HDGFL2: variants seen among roughly 807,000 people sequenced by gnomAD.
The protein encoded by HDGFL2 is hepatoma-derived growth factor-related protein 2.
In HDGFL2, 36 loss-of-function variants were observed where a neutral mutation model predicts 77.1. The observed-to-expected ratio is 0.47, with a 90% confidence interval of 0.36 to 0.62. The LOEUF (loss-of-function observed/expected upper bound fraction) is 0.62. Ranked by LOEUF, HDGFL2 falls within the 20% of genes least tolerant of loss-of-function variation. The pLI is 0.00. For synonymous variants in HDGFL2, 463 were observed against 413.1 expected, an observed-to-expected ratio of 1.12 and a Z score of -1.46; for missense variants, 976 against 973.4, an observed-to-expected ratio of 1.00 and a Z score of -0.04.
intron 3 of HDGFL2, among the ~76,000 whole-genome samples, chr19:4,486,754 C>T (rs1444802044): frequency 6.6e-6 from 1 of 152,074 alleles, no homozygotes; most frequent in Non-Finnish European, 1.5e-5. Flanking sequence ...ACTCTTCATC[C>T]TCCTCTTCAC....
At chr19:4,487,918 T>G (rs1452593965) in intron 3 of HDGFL2, among the ~76,000 whole-genome samples, 1 of 151,922 alleles carries the variant, frequency 6.6e-6, no homozygotes, top group Non-Finnish European at 1.5e-5. Flanking sequence ...TAGCTTGGCT[T>G]CTTCCTCCTG....
At chr19:4,484,666 A>ATTTTTTTTTTTTTTTTT (rs71168907) in intron 3 of HDGFL2, among the ~76,000 whole-genome samples, 4 of 74,110 alleles carry the variant, frequency 5.4e-5, no homozygotes, top group African/African-American at 2.3e-4. Context: ...CGCCTGGCTA[A>ATTTTTTTTTTTTTTTTT]TTTTTTTTTT....
intron 6 of HDGFL2, among the ~76,000 whole-genome samples, chr19:4,493,093 TG>T (rs1975581114): frequency 1.1e-5 from 1 of 94,950 alleles, no homozygotes; most frequent in African/African-American, 4.2e-5. Flanking sequence ...GTGTTATCTG[TG>T]TGGTGTGTGG....
intron 3 of HDGFL2, among the ~76,000 whole-genome samples, chr19:4,482,457 A>G (rs1466147756): frequency 1.3e-5 from 2 of 151,892 alleles, no homozygotes; most frequent in Admixed American, 6.6e-5. Flanking sequence ...ATCCACCCCT[A>G]TCGGCCTCCC....
rs149015632 is a variant in HDGFL2, at chr19:4,484,964, C to T, written c.289-3712C>T. On this transcript the variant is annotated intron_variant, in intron 3 of 15. Transcript: ENST00000616600. Reference sequence around the variant, plus strand: ...GGGATTACAGGCATGAGCCACCGTGCCCGGCCAATTTTTTGTATTTTTTAG... The same window carrying T: ...GGGATTACAGGCATGAGCCACCGTGTCCGGCCAATTTTTTGTATTTTTTAG... Among the ~76,000 whole-genome samples, 81 of 152,156 alleles carry T rather than the reference C, an allele frequency of 5.3e-4. 1 individual carries two copies. The highest frequency in any genetic ancestry group is 1.7e-3 in the African/African-American group (71 of 41,510).
chr19:4,473,870 T>C (rs756069388), intron 1 of HDGFL2, among the ~76,000 whole-genome samples: 1 of 151,562 alleles, frequency 6.6e-6, no homozygotes, highest in Non-Finnish European at 1.5e-5. Context: ...CCAACCCCAA[T>C]GCTTGAAATG....
In HDGFL2 at chr19:4,494,159, C is replaced by T. The variant is rs1293827614; in HGVS notation, c.915-7C>T. 1.5e-5 allele frequency: 23 copies of T among 1,491,018 alleles called. No homozygotes were observed. Among genetic ancestry groups the T allele is most frequent in the Non-Finnish European group, 2.0e-5 (22 of 1,122,900 alleles). 92.4% of individuals were successfully genotyped at this position (1,491,018 alleles called of 1,614,324 possible). On this transcript the variant is annotated splice_polypyrimidine_tract_variant and splice_region_variant and intron_variant, in intron 8 of 15. Transcript: ENST00000616600. ...CGGAGGTCCCCAACCGCCCCCTCCGCCTCCAGTGACAGCGACGAGGTGGAC... is the reference window on the plus strand; with the variant it reads ...CGGAGGTCCCCAACCGCCCCCTCCGTCTCCAGTGACAGCGACGAGGTGGAC...
chr19:4,482,026 C>CTTTTTTTTTTT (rs34398630), intron 3 of HDGFL2, among the ~76,000 whole-genome samples: 12 of 71,656 alleles, frequency 1.7e-4, no homozygotes, highest in South Asian at 6.2e-4. Context: ...TGGCTTTGGC[C>CTTTTTTTTTTT]TTTTTTTTTT....
At chr19:4,477,283 G>A (rs1975096761) in intron 3 of HDGFL2, among the ~76,000 whole-genome samples, 1 of 152,110 alleles carries the variant, frequency 6.6e-6, no homozygotes, top group African/African-American at 2.4e-5. Flanking sequence ...TTGCCTTCTG[G>A]GAGCTCATGG....
rs1974986015 is a variant in HDGFL2, at chr19:4,473,050, C to T, written c.72+628C>T. On this transcript the variant is annotated intron_variant, in intron 1 of 15. Transcript: ENST00000616600. ...GTATCCTGGGCCCGAGGGAGTCGCA[C>T]CTTGGGGGTTTGGGGGTGTTTGGGG... Among the ~76,000 whole-genome samples the T allele has an allele frequency of 2.0e-5, 3 of 147,656 alleles. 1 individual carries two copies. The South Asian group carries it at 6.5e-4, about 32-fold the overall frequency.
At chr19:4,474,554 T>C (rs1210215573) in intron 1 of HDGFL2, among the ~76,000 whole-genome samples, 2 of 151,836 alleles carry the variant, frequency 1.3e-5, no homozygotes, top group Admixed American at 6.6e-5. Flanking sequence ...AAGGAATGCA[T>C]TGGGAGGGGA....
intron 3 of HDGFL2, among the ~76,000 whole-genome samples, chr19:4,477,007 T>A (rs1975090151): frequency 6.6e-6 from 1 of 152,018 alleles, no homozygotes; most frequent in African/African-American, 2.4e-5. Context: ...GAAAAGCACA[T>A]CCGAGGTGGT....
intron 3 of HDGFL2, among the ~76,000 whole-genome samples, chr19:4,483,294 T>G (rs1975268744): frequency 6.6e-6 from 1 of 152,118 alleles, no homozygotes; most frequent in African/African-American, 2.4e-5. Context: ...GCCGCTAGCC[T>G]GCGGCTGTGC....
chr19:4,501,788 C>T (rs933462420), intron 15 of HDGFL2, 123 bp from the exon 16 acceptor site: 85 of 650,542 alleles, frequency 1.3e-4, no homozygotes, highest in East Asian at 5.4e-4. Flanking sequence ...GATAGGAGGG[C>T]GGCACTCGAG....
Position 4,482,938 on chromosome 19 carries a change from A to C in HDGFL2, c.289-5738A>C, listed in dbSNP as rs529324970. On this transcript the variant is annotated intron_variant, in intron 3 of 15. Transcript: ENST00000616600. ...GCGGGGCTGGGTGGAGGGAGCGACC[A>C]GGAAGGAGCCCGGGGCTCCTCATTC... Among the ~76,000 whole-genome samples the C allele has an allele frequency of 3.9e-5, 6 of 152,230 alleles. No homozygotes were observed. The East Asian group carries it at 1.2e-3, about 29-fold the overall frequency.
Position 4,488,759 on chromosome 19 carries a change from G to C in HDGFL2, c.372G>C (p.Gly124=). ...SDADEDDEDR[G]VMAVTAVTAT... is the part of the protein sequence containing the mutation. ...CTGACGAGGACGATGAGGACCGGGG[G>C]GTCATGGCCGTCACAGCGGTAACCG... Residue 124 remains glycine (G), a synonymous_variant, in exon 4 of 16, where the codon GGG becomes GGC. Transcript: ENST00000616600. 6.4e-7 allele frequency: 1 copy of C among 1,552,978 alleles called. No homozygotes were observed. Among genetic ancestry groups the C allele is most frequent in the Non-Finnish European group, 8.7e-7 (1 of 1,147,824 alleles).
At chr19:4,493,014 CGTGT>C (rs1055358298) in intron 6 of HDGFL2, among the ~76,000 whole-genome samples, 3 of 61,576 alleles carry the variant, frequency 4.9e-5, no homozygotes, top group Non-Finnish European at 9.2e-5. Context: ...GTGTGTGGTG[CGTGT>C]GTGTTATCTG....
At chr19:4,492,586 T>C (rs1217860930) in intron 6 of HDGFL2, among the ~76,000 whole-genome samples, 3 of 149,186 alleles carry the variant, frequency 2.0e-5, no homozygotes, top group Non-Finnish European at 3.0e-5. Flanking sequence ...TGTGTATGGT[T>C]TGTGGTATGT....
intron 6 of HDGFL2, among the ~76,000 whole-genome samples, chr19:4,493,168 TGTG>T (rs1344501838): frequency 7.2e-6 from 1 of 138,772 alleles, no homozygotes; most frequent in Admixed American, 7.2e-5. Context: ...GTTGTCTGTG[TGTG>T]GTGTGTGCGT....
Sources: gnomAD v4.1 joint callset for allele counts (sites outside exome capture counted in the v4.1 genomes callset) on GRCh38, gnomAD v4.1.1 for gene constraint, MANE v1.5 for transcripts, NCBI Gene and HGNC (gene_info 2026-07-23, HGNC 2026-07-21) for gene names.